PAK4: variants seen among roughly 807,000 people sequenced by gnomAD.
PAK4 encodes the protein p21 (RAC1) activated kinase 4.
PAK4 carries 49 observed loss-of-function variants against 53.5 expected under a neutral mutation model. The observed-to-expected ratio is 0.92, with a 90% CI of 0.73 to 1.16. The LOEUF is 1.16. Ranked by LOEUF, PAK4 falls within the 50% of genes most tolerant of loss-of-function variation. The pLI, the probability that PAK4 is intolerant of heterozygous loss-of-function variation, is 0.00. For missense variants in PAK4, 824 were observed against 850.7 expected, an observed-to-expected ratio of 0.97 and a Z score of 0.39; for synonymous variants, 376 against 375.6, an observed-to-expected ratio of 1.00 and a Z score of -0.01.
chr19:39,176,508 A>G (rs1349816908), intron 6 of PAK4, 82 bp from the exon 8 acceptor site: 3 of 1,581,658 alleles, frequency 1.9e-6, no homozygotes, highest in Non-Finnish European at 2.6e-6. Flanking sequence ...GTCTGAAGCC[A>G]AGGAATGACG....
chr19:39,178,501 G>T lies in PAK4; in HGVS notation c.1698G>T (p.Leu566=). The stretch of plus-strand genomic sequence containing the variant: ...CCCAGCGGGCCACGGCAGCCGAGCT[G>T]CTGAAGCACCCATTCCTGGCCAAGG... Residue 566 remains leucine, a synonymous_variant, in exon 9 of 9, where the codon CTG becomes CTT. Coordinates refer to ENST00000358301, the Ensembl canonical transcript of PAK4. This position sits in a 1 kb window ranked among gnomAD's most constrained non-coding sequence, Gnocchi z 4.4. 2 of 1,612,312 alleles carry T rather than the reference G, an allele frequency of 1.2e-6. No homozygotes were observed. Among genetic ancestry groups the T allele is most frequent in the South Asian group, 2.2e-5 (2 of 91,032 alleles).
chr19:39,155,299 T>A (rs1240399559), intron 1 of PAK4, among the ~76,000 whole-genome samples: 1 of 152,152 alleles, frequency 6.6e-6, no homozygotes, highest in African/African-American at 2.4e-5. Flanking sequence ...CCCACAGGTG[T>A]GCCTGGTATG....
Position 39,138,719 on chromosome 19 carries a change from G to A in PAK4, c.-23+12800G>A, listed in dbSNP as rs139293210. 8.6e-3 allele frequency among the ~76,000 whole-genome samples: 1,307 copies of A among 152,300 alleles called. 24 individuals are homozygous for A. Among genetic ancestry groups the A allele is most frequent in the African/African-American group, 0.029 (1,205 of 41,562 alleles). ...CCGCCCCTGGACCCTGGCGGAGGGC[G>A]GGCAGGGTGCCCAGAAAGGAGGCTG... On this transcript the variant is annotated intron_variant, in intron 1 of 8. Transcript: ENST00000358301.
intron 1 of PAK4, among the ~76,000 whole-genome samples, chr19:39,146,851 GAA>G (rs1045617578): frequency 9.3e-4 from 139 of 150,122 alleles, no homozygotes; most frequent in African/African-American, 3.2e-3. Context: ...AAGAAAGAGA[GAA>G]AGAGAGAGAG....
At chr19:39,157,377 G>T (rs2074203350) in intron 1 of PAK4, among the ~76,000 whole-genome samples, 1 of 152,000 alleles carries the variant, frequency 6.6e-6, no homozygotes, top group Non-Finnish European at 1.5e-5. Context: ...GGATCTCTTT[G>T]GGAGTCTCTG....
chr19:39,144,578 G>A (rs2073969197), intron 1 of PAK4, among the ~76,000 whole-genome samples: 1 of 152,226 alleles, frequency 6.6e-6, no homozygotes, highest in Admixed American at 6.5e-5. Flanking sequence ...GTTTCCTGGG[G>A]ACTGGGATTG....
intron 1 of PAK4, among the ~76,000 whole-genome samples, chr19:39,148,465 G>GTTTTTTTTTTTTTTTTTTTT (rs1568506439): frequency 1.1e-4 from 1 of 9,126 alleles, no homozygotes; most frequent in African/African-American, 4.0e-4. Flanking sequence ...AGTTTCTTCT[G>GTTTTTTTTTTTTTTTTTTTT]CTTTTTTTTT....
chr19:39,177,383 C>A (rs771253980), intron 7 of PAK4, among the ~76,000 whole-genome samples: 4 of 151,994 alleles, frequency 2.6e-5, no homozygotes, highest in African/African-American at 9.7e-5. Context: ...GTGATGAGGC[C>A]GCATGGGTCC....
intron 6 of PAK4, among the ~76,000 whole-genome samples, chr19:39,176,165 G>A (rs770146195): frequency 7.2e-5 from 11 of 152,348 alleles, no homozygotes; most frequent in Admixed American, 3.9e-4. Flanking sequence ...CCTGGTTGTC[G>A]CAAAGGCAGG....
chr19:39,141,668 TCTGTCTC>T (rs2073912355), intron 1 of PAK4, among the ~76,000 whole-genome samples: 2 of 151,906 alleles, frequency 1.3e-5, no homozygotes, highest in African/African-American at 4.8e-5. Flanking sequence ...AGAGTCTCAC[TCTGTCTC>T]CCAGGCTGGA....
At chr19:39,147,946 T>TTC (rs1242816131) in intron 1 of PAK4, among the ~76,000 whole-genome samples, 1 of 105,834 alleles carries the variant, frequency 9.4e-6, no homozygotes, top group Non-Finnish European at 2.1e-5. Context: ...TCTTTATCTA[T>TTC]TCTCTCTCTT....
rs1384298648 is a variant in PAK4 at position 39,161,564 on chromosome 19, C to T, written c.-22-7968C>T. ...CCTCCTCCTCCCTGGTCCCCCTTTC[C>T]GTTCTGCCCCCACAGACTGTTCCCA... On this transcript the variant is annotated intron_variant, in intron 1 of 8. Transcript: ENST00000358301. The surrounding 1 kb of genome is among the most constrained non-coding windows in gnomAD (Gnocchi z 4.5). Among the ~76,000 whole-genome samples the T allele has an allele frequency of 1.3e-5, 2 of 151,982 alleles. No homozygotes were observed. The highest frequency in any genetic ancestry group is 2.4e-5 in the African/African-American group (1 of 41,362).
At chr19:39,179,805 G>C (rs1447950572), downstream of PAK4, 1 of 152,274 alleles carries the variant, frequency 6.6e-6, no homozygotes, top group Non-Finnish European at 1.5e-5. Flanking sequence ...GACTGAGGCT[G>C]ACTGGCCTGG....
intron 1 of PAK4, among the ~76,000 whole-genome samples, chr19:39,130,189 C>T (rs1600297340): frequency 5.4e-5 from 4 of 73,474 alleles, no homozygotes; most frequent in South Asian, 9.4e-4. Context: ...TGGGTCATGG[C>T]GGGATGGGAG....
intron 1 of PAK4, among the ~76,000 whole-genome samples, chr19:39,129,127 C>G (rs1303361406): frequency 6.6e-6 from 1 of 152,112 alleles, no homozygotes; most frequent in Non-Finnish European, 1.5e-5. Flanking sequence ...AGACTGGACT[C>G]TTAACTCCTG....
chr19:39,129,339 A>G (rs2073656178), intron 1 of PAK4, among the ~76,000 whole-genome samples: 1 of 151,814 alleles, frequency 6.6e-6, no homozygotes, highest in African/African-American at 2.4e-5. Context: ...TCACCTGTTG[A>G]TGGCCACTGA....
intron 1 of PAK4, among the ~76,000 whole-genome samples, chr19:39,158,212 TGG>T (rs1298867113): frequency 5.3e-5 from 8 of 151,586 alleles, no homozygotes; most frequent in African/African-American, 1.7e-4. Flanking sequence ...TGTGCATGTG[TGG>T]GTGTGCGTGT....
chr19:39,174,853 C>A, intron 4 of PAK4, 78 bp from the exon 6 acceptor site: 1 of 1,557,604 alleles, frequency 6.4e-7, no homozygotes, highest in Admixed American at 1.7e-5. Context: ...GCAGGGGGAG[C>A]CAGGGGGGTG....
intron 1 of PAK4, among the ~76,000 whole-genome samples, chr19:39,130,191 G>C (rs973088692): frequency 1.3e-5 from 2 of 150,952 alleles, no homozygotes; most frequent in African/African-American, 4.9e-5. Context: ...GGTCATGGCG[G>C]GATGGGAGCG....
Sources: allele counts gnomAD v4.1 joint callset (sites outside exome capture counted in the v4.1 genomes callset), GRCh38; gene constraint gnomAD v4.1.1; non-coding constraint Gnocchi (gnomAD v3.1); transcripts MANE v1.5; gene names NCBI Gene and HGNC (gene_info 2026-07-23, HGNC 2026-07-21).